Variants in TLN2 observed in about 807,000 individuals in gnomAD.
TLN2 encodes the protein talin 2.
Under a neutral mutation model 294.7 loss-of-function variants are expected in TLN2, and 118 were observed. That is an observed-to-expected ratio of 0.40 (90% CI 0.34 to 0.47). The LOEUF (loss-of-function observed/expected upper bound fraction) is 0.47. Ranked by LOEUF, TLN2 falls within the 20% of genes least tolerant of loss-of-function variation. TLN2 has a pLI of 0.84. For missense variants in TLN2, 3,083 were observed against 3,282.2 expected (o/e 0.94, Z 1.48); for synonymous variants, 1,431 against 1,304.5 (o/e 1.10, Z -2.09).
intron 45 of TLN2, among the ~76,000 whole-genome samples, chr15:62,785,884 A>G (rs1342686274): frequency 2.6e-5 from 4 of 152,216 alleles, no homozygotes; most frequent in African/African-American, 9.7e-5. Flanking sequence ...AAAGTATAAA[A>G]TAATGCCAAA....
intron 1 of TLN2, among the ~76,000 whole-genome samples, chr15:62,533,560 A>G (rs969990764): frequency 7.9e-5 from 12 of 152,234 alleles, no homozygotes; most frequent in Admixed American, 3.3e-4. Context: ...AGAGGGAAGC[A>G]GACAGACACT....
At chr15:62,530,378 G>C (rs1346080253) in intron 1 of TLN2, among the ~76,000 whole-genome samples, 2 of 151,662 alleles carry the variant, frequency 1.3e-5, no homozygotes, top group Non-Finnish European at 2.9e-5. Context: ...ATTCATTCAA[G>C]ATGGAGTCTC....
At chr15:62,806,361 T>C (rs1239701770) in intron 51 of TLN2, among the ~76,000 whole-genome samples, 1 of 152,126 alleles carries the variant, frequency 6.6e-6, no homozygotes, top group Non-Finnish European at 1.5e-5. Context: ...TTGCAGAGTG[T>C]GGTGGAGGCC....
intron 2 of TLN2, among the ~76,000 whole-genome samples, chr15:62,604,895 T>G (rs1010992270): frequency 6.0e-5 from 9 of 151,128 alleles, no homozygotes; most frequent in Non-Finnish European, 8.9e-5. Flanking sequence ...TGCCGCCGCC[T>G]CCTCCTCCTC....
At chr15:62,746,561 C>G (rs1262326661) in intron 32 of TLN2, among the ~76,000 whole-genome samples, 1 of 152,234 alleles carries the variant, frequency 6.6e-6, no homozygotes, top group Non-Finnish European at 1.5e-5. Context: ...ATCTCCTCAT[C>G]AAATAATTAA....
chr15:62,569,819 T>C (rs368204722), intron 1 of TLN2, among the ~76,000 whole-genome samples: 1 of 152,346 alleles, frequency 6.6e-6, no homozygotes, highest in East Asian at 1.9e-4. Context: ...GCAGACAGTT[T>C]AATTCAAATG....
At chr15:62,415,554 A>T (rs2034024215) in intron 1 of TLN2, among the ~76,000 whole-genome samples, 2 of 151,532 alleles carry the variant, frequency 1.3e-5, no homozygotes, top group Admixed American at 6.6e-5. Context: ...GGGAAAGAGG[A>T]CAGCTAACAG....
rs567100924 is a variant in TLN2, at chr15:62,398,671, A to G, written c.-238+7986A>G. Among the ~76,000 whole-genome samples the G allele has an allele frequency of 7.0e-4, 107 of 152,330 alleles. No individual in the cohort carries two copies. In the South Asian group the frequency reaches 0.018, roughly 25 times the overall value. On this transcript the variant is annotated intron_variant, in intron 1 of 58. Transcript: ENST00000636159. ...AACTGGAGCCAAGGTGACTCTTGCT[A>G]TGCTTCAGCAAAGAGACTGGTGGCT...
intron 1 of TLN2, among the ~76,000 whole-genome samples, chr15:62,413,756 G>A (rs74019759): frequency 4.8e-4 from 73 of 152,322 alleles, no homozygotes; most frequent in African/African-American, 1.7e-3. Context: ...GCAGAGGCAT[G>A]GGGTGGATAG....
At chr15:62,492,994 T>A (rs1052705790) in intron 1 of TLN2, among the ~76,000 whole-genome samples, 1 of 152,196 alleles carries the variant, frequency 6.6e-6, no homozygotes, top group Non-Finnish European at 1.5e-5. Context: ...GCCTTCCTGT[T>A]AGGGGTGGAA....
At chr15:62,495,437 G>A (rs567343718) in intron 1 of TLN2, among the ~76,000 whole-genome samples, 1 of 152,202 alleles carries the variant, frequency 6.6e-6, no homozygotes, top group South Asian at 2.1e-4. Context: ...TCTTAGGAAA[G>A]CCTCTCATGG....
At chr15:62,403,020 A>G (rs1158433953) in intron 1 of TLN2, among the ~76,000 whole-genome samples, 6 of 152,120 alleles carry the variant, frequency 3.9e-5, no homozygotes, top group Non-Finnish European at 8.8e-5. Flanking sequence ...TGGGCGGATC[A>G]CGAGGTCTGG....
intron 32 of TLN2, among the ~76,000 whole-genome samples, chr15:62,747,051 TG>T (rs776465029): frequency 6.6e-6 from 1 of 152,340 alleles, no homozygotes; most frequent in Non-Finnish European, 1.5e-5. Flanking sequence ...CAAATGGGGC[TG>T]GAACTATGGG....
intron 3 of TLN2, among the ~76,000 whole-genome samples, chr15:62,621,867 C>A (rs1411226284): frequency 6.6e-6 from 1 of 152,184 alleles, no homozygotes; most frequent in African/African-American, 2.4e-5. Flanking sequence ...GAATTGCTAG[C>A]TAATTCTACC....
At chr15:62,783,519 CG>C (rs1413294008) in intron 44 of TLN2, among the ~76,000 whole-genome samples, 1 of 152,234 alleles carries the variant, frequency 6.6e-6, no homozygotes, top group Non-Finnish European at 1.5e-5. Flanking sequence ...CCACTGGGCC[CG>C]GCCAGAATCT....
At chr15:62,667,169 T>TGC (rs1555462824) in intron 9 of TLN2, among the ~76,000 whole-genome samples, 4 of 152,110 alleles carry the variant, frequency 2.6e-5, no homozygotes, top group Non-Finnish European at 5.9e-5. Context: ...GGTTTCACCA[T>TGC]GTTAGCCAGG....
intron 1 of TLN2, among the ~76,000 whole-genome samples, chr15:62,455,819 C>G (rs906279116): frequency 2.0e-5 from 3 of 152,214 alleles, no homozygotes; most frequent in Non-Finnish European, 4.4e-5. Flanking sequence ...CACACATCTC[C>G]ATTCCCCAGC....
At chr15:62,537,937 C>T (rs2041456296) in intron 1 of TLN2, among the ~76,000 whole-genome samples, 1 of 152,114 alleles carries the variant, frequency 6.6e-6, no homozygotes, top group Admixed American at 6.5e-5. Flanking sequence ...GAGCAGCAGC[C>T]TTGGCTGGTC....
intron 32 of TLN2, 136 bp from the exon 33 acceptor site, chr15:62,748,215 C>T: frequency 1.5e-6 from 1 of 652,648 alleles, no homozygotes; most frequent in Non-Finnish European, 2.6e-6. Flanking sequence ...TTGTGTAGAG[C>T]CTCTGCAGAA....
Sources: gnomAD v4.1 joint callset for allele counts (sites outside exome capture counted in the v4.1 genomes callset) on GRCh38, gnomAD v4.1.1 for gene constraint, MANE v1.5 for transcripts, NCBI Gene and HGNC (gene_info 2026-07-23, HGNC 2026-07-21) for gene names.